Variants in DNAH3 observed in about 807,000 individuals in gnomAD.
DNAH3 encodes axonemal beta dynein heavy chain 3.
DNAH3 carries 332 observed loss-of-function variants against 432.5 expected under a neutral mutation model. That is an observed-to-expected ratio of 0.77 (90% CI 0.70 to 0.84). DNAH3 has a LOEUF of 0.84. DNAH3 is among the 40% of genes least tolerant of loss of function. The pLI is 0.00. For synonymous variants in DNAH3, 1,956 were observed against 1,900.2 expected (o/e 1.03, Z -0.76); for missense variants, 4,861 against 5,114.0 (o/e 0.95, Z 1.51).
chr16:21,034,007 C>T (rs745539341), exon 36 of DNAH3: 1 of 1,613,856 alleles, frequency 6.2e-7, no homozygotes, highest in East Asian at 2.2e-5. Context: ...GCAGCCAACA[C>T]TTTATAAGCA....
chr16:21,067,215 G>A (rs2090584531), intron 24 of DNAH3, 68 bp downstream of exon 24: 2 of 1,579,384 alleles, frequency 1.3e-6, no homozygotes, highest in Non-Finnish European at 1.7e-6. Flanking sequence ...CTCTTGGCAT[G>A]AAAAATGTAA....
intron 2 of DNAH3, among the ~76,000 whole-genome samples, chr16:21,145,679 G>A (rs2092774118): frequency 6.6e-6 from 1 of 152,172 alleles, no homozygotes; most frequent in Non-Finnish European, 1.5e-5. Context: ...TTATGGACAT[G>A]ACTACAAGGT....
At chr16:21,055,430 G>GT (rs1315098185) in intron 27 of DNAH3, among the ~76,000 whole-genome samples, 3 of 152,090 alleles carry the variant, frequency 2.0e-5, no homozygotes, top group African/African-American at 4.8e-5. Flanking sequence ...GAATAAAATC[G>GT]TATCAGTGTT....
At chr16:20,965,932 T>G (rs1344038162) in intron 52 of DNAH3, among the ~76,000 whole-genome samples, 2 of 150,464 alleles carry the variant, frequency 1.3e-5, no homozygotes, top group Non-Finnish European at 3.0e-5. Context: ...AGGCTGGTCT[T>G]AAACTCCTGA....
Position 21,067,301 on chromosome 16 carries a change from T to A in DNAH3, c.3500A>T (p.Lys1167Met), listed in dbSNP as rs775707004. Residue 1167 changes from lysine (K) to methionine (M), a missense_variant, in exon 24 of 62, where the codon AAG becomes ATG. Coordinates refer to ENST00000261383, the Ensembl canonical transcript of DNAH3. ...TGGATACCTGGGGAAGAATAGTCTC[T>A]TCTTCTCCAAGTAATCATTCAGCCC... 2 of 1,614,106 alleles carry A rather than the reference T, an allele frequency of 1.2e-6. No individual in the cohort carries two copies. The highest frequency in any genetic ancestry group is 1.7e-6 in the Non-Finnish European group (2 of 1,179,970).
intron 8 of DNAH3, among the ~76,000 whole-genome samples, chr16:21,127,256 A>C (rs2092461990): frequency 6.6e-6 from 1 of 152,018 alleles, no homozygotes; most frequent in Non-Finnish European, 1.5e-5. Flanking sequence ...TGGACATGAA[A>C]AAAAGAGGAC....
intron 18 of DNAH3, among the ~76,000 whole-genome samples, chr16:21,096,910 T>C (rs1051655711): frequency 1.3e-5 from 2 of 152,320 alleles, no homozygotes; most frequent in African/African-American, 2.4e-5. Context: ...TTTGAGAGGA[T>C]AGTAACCTCT....
chr16:20,954,664 T>C (rs148437595), intron 55 of DNAH3, 149 bp downstream of exon 55: 55 of 845,336 alleles, frequency 6.5e-5, no homozygotes, highest in Non-Finnish European at 1.5e-5. Context: ...TTAGTATAAG[T>C]ATGTTCCAAA....
intron 51 of DNAH3, among the ~76,000 whole-genome samples, chr16:20,973,045 G>C (rs372182362): frequency 1.4e-4 from 22 of 152,112 alleles, no homozygotes; most frequent in African/African-American, 4.8e-4. Context: ...ACCTATTTAT[G>C]ATAGAAGACA....
chr16:20,963,989 C>T (rs372465158), exon 53 of DNAH3: 9 of 1,614,064 alleles, frequency 5.6e-6, no homozygotes, highest in African/African-American at 2.7e-5. Flanking sequence ...GCAGAATGCA[C>T]AGCCACTGGC....
chr16:20,934,013 T>A (rs1429032737), intron 61 of DNAH3, among the ~76,000 whole-genome samples: 1 of 152,152 alleles, frequency 6.6e-6, no homozygotes, highest in Non-Finnish European at 1.5e-5. Context: ...TTGGCCCTGG[T>A]GAGCTGATAT....
chr16:20,987,625 A>T, intron 46 of DNAH3, 68 bp downstream of exon 46: 1 of 1,576,742 alleles, frequency 6.3e-7, no homozygotes, highest in Non-Finnish European at 8.7e-7. Context: ...TATTACTGCT[A>T]TTACTACATG....
chr16:21,013,251 C>A (rs1014390486), intron 41 of DNAH3, among the ~76,000 whole-genome samples: 1 of 151,614 alleles, frequency 6.6e-6, no homozygotes, highest in Non-Finnish European at 1.5e-5. Context: ...ATTGATAGGC[C>A]GGGCACAGTG....
chr16:21,103,352 T>TGGG (rs1274961749), intron 16 of DNAH3, among the ~76,000 whole-genome samples: 2 of 71,138 alleles, frequency 2.8e-5, no homozygotes, highest in African/African-American at 1.0e-4. Flanking sequence ...AGGGTGTGTG[T>TGGG]GTGGGGGGGG....
At chr16:21,067,760 G>GGGGGGGT (rs2090609412) in intron 23 of DNAH3, among the ~76,000 whole-genome samples, 17 of 49,630 alleles carry the variant, frequency 3.4e-4, no homozygotes, top group African/African-American at 7.7e-4. Context: ...CCAGTCTTGG[G>GGGGGGGT]GGGGGGGGTG....
intron 37 of DNAH3, among the ~76,000 whole-genome samples, chr16:21,030,642 A>G (rs969664292): frequency 1.3e-5 from 2 of 152,242 alleles, no homozygotes; most frequent in African/African-American, 2.4e-5. Flanking sequence ...ATAAGTAACC[A>G]AAACATATCC....
chr16:20,978,580 C>T lies in DNAH3; in HGVS notation c.8076+750G>A, dbSNP rs138305344. Among the ~76,000 whole-genome samples, 318 of 152,290 alleles carry T rather than the reference C, an allele frequency of 2.1e-3. 2 individuals carry two copies. The highest frequency in any genetic ancestry group is 7.3e-3 in the African/African-American group (304 of 41,566). ...GACAAAGTCTCACTCTGTTACCCCG[C>T]TGCAGTGCAGTGGTACGATCATAGC... On this transcript the variant is annotated intron_variant, in intron 50 of 61. Coordinates refer to ENST00000261383, the Ensembl canonical transcript of DNAH3.
intron 10 of DNAH3, chr16:21,121,015 A>G (rs1189858625): frequency 1.4e-6 from 1 of 708,462 alleles, no homozygotes; most frequent in East Asian, 2.7e-5. Context: ...CAAAGAGAAG[A>G]ATGCTTGGGC....
intron 41 of DNAH3, among the ~76,000 whole-genome samples, chr16:21,013,463 G>C (rs934038709): frequency 6.6e-6 from 1 of 152,158 alleles, no homozygotes; most frequent in Non-Finnish European, 1.5e-5. Flanking sequence ...GCTCACACCT[G>C]TAATTCCAGC....
Sources: allele counts gnomAD v4.1 joint callset (sites outside exome capture counted in the v4.1 genomes callset), GRCh38; gene constraint gnomAD v4.1.1; transcripts MANE v1.5; gene names NCBI Gene and HGNC (gene_info 2026-07-23, HGNC 2026-07-21).